Variants in AGBL4 observed in about 807,000 individuals in gnomAD.
The protein encoded by AGBL4 is cytosolic carboxypeptidase 6.
AGBL4 carries 58 observed loss-of-function variants against 66.4 expected under a neutral mutation model. The observed-to-expected ratio is 0.87, with a 90% CI of 0.71 to 1.09. The LOEUF (loss-of-function observed/expected upper bound fraction) is 1.09, where lower values mean the gene tolerates loss of function less well. Ranked by LOEUF, AGBL4 falls within the 50% of genes least tolerant of loss-of-function variation. AGBL4 has a pLI of 0.00. For synonymous variants in AGBL4, 234 were observed against 222.9 expected, an observed-to-expected ratio of 1.05 and a Z score of -0.44; for missense variants, 579 against 631.0, an observed-to-expected ratio of 0.92 and a Z score of 0.88.
At chr1:48,663,297 T>C in intron 6 of AGBL4, 56 bp from the exon 7 acceptor site, 5 of 1,570,136 alleles carry the variant, frequency 3.2e-6, no homozygotes, top group African/African-American at 1.4e-5. Flanking sequence ...CTGAGTCTAG[T>C]GGTTGGTGTG....
At chr1:49,219,244 T>C (rs547447992) in intron 4 of AGBL4, among the ~76,000 whole-genome samples, 1 of 152,324 alleles carries the variant, frequency 6.6e-6, no homozygotes, top group Admixed American at 6.5e-5. Flanking sequence ...CAGTTTACTG[T>C]TAGTCTTATG....
At chr1:49,067,361 T>G (rs1644509856) in intron 4 of AGBL4, among the ~76,000 whole-genome samples, 1 of 152,184 alleles carries the variant, frequency 6.6e-6, no homozygotes, top group African/African-American at 2.4e-5. Context: ...GCCTTCCCAT[T>G]GCACCTAAAC....
intron 4 of AGBL4, among the ~76,000 whole-genome samples, chr1:49,115,021 G>A (rs1280639006): frequency 6.6e-6 from 1 of 152,096 alleles, no homozygotes; most frequent in African/African-American, 2.4e-5. Flanking sequence ...TAGACTTGCT[G>A]AACACAGGGT....
chr1:48,565,800 A>C (rs561653990), intron 11 of AGBL4, among the ~76,000 whole-genome samples: 6 of 152,338 alleles, frequency 3.9e-5, no homozygotes, highest in African/African-American at 1.4e-4. Context: ...TTGAGGTTGA[A>C]TTGGGGAAGC....
chr1:49,953,863 C>T (rs1185067424), intron 1 of AGBL4, among the ~76,000 whole-genome samples: 1 of 151,840 alleles, frequency 6.6e-6, no homozygotes, highest in Non-Finnish European at 1.5e-5. Context: ...AATAAAACCC[C>T]ATTTATCTGG....
At chr1:48,600,471 T>C (rs777403547) in intron 9 of AGBL4, among the ~76,000 whole-genome samples, 1 of 152,144 alleles carries the variant, frequency 6.6e-6, no homozygotes, top group Non-Finnish European at 1.5e-5. Context: ...GATCACACAG[T>C]GGTAACTGGC....
chr1:49,528,818 T>C (rs1650872328), intron 3 of AGBL4, among the ~76,000 whole-genome samples: 1 of 151,960 alleles, frequency 6.6e-6, no homozygotes. Context: ...GCAAGGAAGT[T>C]TGAGATCCTA....
At chr1:49,324,808 A>G (rs763734399) in intron 3 of AGBL4, among the ~76,000 whole-genome samples, 1 of 152,168 alleles carries the variant, frequency 6.6e-6, no homozygotes, top group Non-Finnish European at 1.5e-5. Context: ...CTTCTAACAT[A>G]TTTGCCTTAG....
intron 1 of AGBL4, among the ~76,000 whole-genome samples, chr1:49,954,436 G>C (rs11205669): frequency 0.32 from 48,561 of 151,740 alleles, 8,480 homozygotes; most frequent in East Asian, 0.73. Flanking sequence ...GTGGGTACCC[G>C]CTCCTCCCTT....
intron 6 of AGBL4, among the ~76,000 whole-genome samples, chr1:48,752,488 CAG>C (rs1259701647): frequency 6.6e-6 from 1 of 152,150 alleles, no homozygotes; most frequent in Non-Finnish European, 1.5e-5. Flanking sequence ...GGTTGTAAAA[CAG>C]AGTGTTCAAA....
At chr1:49,838,473 G>C (rs1432987176) in intron 2 of AGBL4, among the ~76,000 whole-genome samples, 1 of 152,144 alleles carries the variant, frequency 6.6e-6, no homozygotes, top group Non-Finnish European at 1.5e-5. Context: ...ACAGAGCAAA[G>C]GTGGAAAATG....
chr1:49,709,827 CA>C (rs1166061322), intron 2 of AGBL4, among the ~76,000 whole-genome samples: 9 of 152,108 alleles, frequency 5.9e-5, no homozygotes, highest in African/African-American at 1.9e-4. Flanking sequence ...ATGCAGCAAA[CA>C]AACATATGAA....
At chr1:49,730,164 C>G (rs1013348281) in intron 2 of AGBL4, among the ~76,000 whole-genome samples, 3 of 152,124 alleles carry the variant, frequency 2.0e-5, no homozygotes, top group Non-Finnish European at 2.9e-5. Context: ...CACTTCAGGT[C>G]CCCTCTTGTT....
At chr1:49,433,603 T>A (rs534491359) in intron 3 of AGBL4, among the ~76,000 whole-genome samples, 1 of 152,196 alleles carries the variant, frequency 6.6e-6, no homozygotes, top group Non-Finnish European at 1.5e-5. Flanking sequence ...TGAAAGCATA[T>A]AATAAATACA....
At chr1:49,652,631 T>C (rs1267781853) in intron 3 of AGBL4, among the ~76,000 whole-genome samples, 1 of 152,116 alleles carries the variant, frequency 6.6e-6, no homozygotes, top group Non-Finnish European at 1.5e-5. Context: ...CTCCAGTTGG[T>C]TGTTTTCCCC....
chr1:49,081,818 T>C (rs555629961), intron 4 of AGBL4, among the ~76,000 whole-genome samples: 1 of 152,320 alleles, frequency 6.6e-6, no homozygotes, highest in East Asian at 1.9e-4. Context: ...TGTTGCACTC[T>C]AAGACCCAAG....
In AGBL4 at chr1:48,736,150, A is replaced by G; in HGVS notation, c.635-72909T>C. ...GGGTCTGGCATGCAGAAGCTTCATA[A>G]GTAATCGTTGAATTGAATTGTGCCT... On this transcript the variant is annotated intron_variant, in intron 6 of 13. Coordinates refer to ENST00000371839, the MANE Select transcript of AGBL4 (RefSeq NM_032785.4). The surrounding 1 kb of genome is among the most constrained non-coding windows in gnomAD (Gnocchi z 4.0). 1 of 1,433,234 alleles carries G rather than the reference A, an allele frequency of 7.0e-7. No homozygotes were observed. Among genetic ancestry groups the G allele is most frequent in the Non-Finnish European group, 9.8e-7 (1 of 1,023,164 alleles). 88.8% of individuals were successfully genotyped at this position (1,433,234 alleles called of 1,614,324 possible). A position where few individuals can be genotyped will look rare whatever the true frequency, so the allele number is the denominator to read the frequency against.
intron 3 of AGBL4, among the ~76,000 whole-genome samples, chr1:49,652,347 A>G (rs1477901847): frequency 6.6e-6 from 1 of 152,188 alleles, no homozygotes. Context: ...AGAAATATAG[A>G]GAACACCTGA....
intron 4 of AGBL4, among the ~76,000 whole-genome samples, chr1:49,175,609 G>C (rs1646816438): frequency 6.6e-6 from 1 of 152,090 alleles, no homozygotes; most frequent in South Asian, 2.1e-4. Context: ...GTTTTCTAAA[G>C]TGATTTCTAA....
Sources: gnomAD v4.1 joint callset for allele counts (sites outside exome capture counted in the v4.1 genomes callset) on GRCh38, gnomAD v4.1.1 for gene constraint, Gnocchi (gnomAD v3.1) non-coding constraint, MANE v1.5 for transcripts, NCBI Gene and HGNC (gene_info 2026-07-23, HGNC 2026-07-21) for gene names.